AMZ1: variants seen among roughly 807,000 people sequenced by gnomAD.
AMZ1 encodes archaemetzincin-1.
AMZ1 carries 39 observed loss-of-function variants against 29.9 expected under a neutral mutation model. The ratio of observed to expected loss-of-function variants is 1.30; its 90% CI spans 1.01 to 1.70. AMZ1 has a LOEUF of 1.70. Ranked by LOEUF, AMZ1 falls within the 40% of genes most tolerant of loss-of-function variation. AMZ1 has a pLI of 0.00. For synonymous variants in AMZ1, 458 were observed against 304.0 expected (o/e 1.51, Z -5.27); for missense variants, 1,041 against 680.6 (o/e 1.53, Z -5.89).
At chr7:2,733,670 C>T (rs1460505564) in intron 4 of AMZ1, among the ~76,000 whole-genome samples, 1 of 152,204 alleles carries the variant, frequency 6.6e-6, no homozygotes, top group East Asian at 1.9e-4. Flanking sequence ...AAAAAAACTA[C>T]CATTAAAGAA....
chr7:2,746,608 A>G lies in AMZ1; in HGVS notation n.551-18104A>G, dbSNP rs189318608. 8.4e-4 allele frequency among the ~76,000 whole-genome samples: 128 copies of G among 152,330 alleles called. 1 individual carries two copies. Among genetic ancestry groups the G allele is most frequent in the African/African-American group, 2.9e-3 (120 of 41,564 alleles). On this transcript the variant is annotated intron_variant and non_coding_transcript_variant, in intron 4 of 4. Transcript: ENST00000489665. ...ACACCCTAACATCACAACTAAAAGA[A>G]CTAGAAAAGCAAGAACAAACACATT...
chr7:2,696,362 T>C (rs1338982791), intron 1 of AMZ1, among the ~76,000 whole-genome samples: 2 of 149,150 alleles, frequency 1.3e-5, no homozygotes, highest in Non-Finnish European at 3.0e-5. Context: ...GTTCACGCCA[T>C]TCTCCTGCCT....
At chr7:2,735,589 C>A (rs1790129893) in intron 4 of AMZ1, among the ~76,000 whole-genome samples, 1 of 152,196 alleles carries the variant, frequency 6.6e-6, no homozygotes, top group African/African-American at 2.4e-5. Flanking sequence ...CCCCTCGAGT[C>A]TGCAATCAGT....
In AMZ1 at chr7:2,709,661, C is replaced by G. The variant is rs532321786; in HGVS notation, c.793C>G (p.His265Asp). ...CCKVTCHELC[H>D]LLGLGNCRWL... Reference sequence around the variant, plus strand: ...CCAGGTCACGTGCCACGAGCTCTGCCACCTTCTGGGCCTGGGGAACTGCCG... The same window carrying G: ...CCAGGTCACGTGCCACGAGCTCTGCGACCTTCTGGGCCTGGGGAACTGCCG... The change falls in exon 6 of 7, where the codon CAC becomes GAC. Residue 265 changes from histidine to aspartate, a missense_variant. By Grantham distance (81) the His-to-Asp change is moderately conservative. Coordinates refer to ENST00000683327, the MANE Select transcript of AMZ1 (RefSeq NM_001384743.1). The G allele has an allele frequency of 2.5e-6, 4 of 1,609,992 alleles. No homozygotes were observed. Among genetic ancestry groups the G allele is most frequent in the Non-Finnish European group, 3.4e-6 (4 of 1,179,194 alleles).
At position 2,714,380 on chromosome 7, in the gene AMZ1, CGGTCCT is replaced by C. The variant is rs1370162941; in HGVS notation, c.*1508_*1513del. The C allele has an allele frequency of 6.6e-6, 1 of 152,364 alleles. No individual in the cohort carries two copies. The highest frequency in any genetic ancestry group is 2.4e-5 in the African/African-American group (1 of 41,452). 9.4% of individuals were successfully genotyped at this position (152,364 alleles called of 1,614,324 possible). ...TTGGTGGAGGCCGACTGAAGGCTCC[CGGTCCT>C]GGTCCCACTCCGTGTTGACTTCAGA... On this transcript the variant is annotated 3_prime_UTR_variant, in exon 7 of 7. Transcript: ENST00000683327.
chr7:2,742,320 C>T (rs890148579), intron 4 of AMZ1, among the ~76,000 whole-genome samples: 14 of 152,130 alleles, frequency 9.2e-5, no homozygotes, highest in Admixed American at 9.2e-4. Flanking sequence ...CCAGCCTACA[C>T]TGAGATTTTT....
At chr7:2,689,899 C>G (rs551632269) in intron 1 of AMZ1, among the ~76,000 whole-genome samples, 46 of 152,158 alleles carry the variant, frequency 3.0e-4, no homozygotes, top group Non-Finnish European at 4.6e-4. Context: ...TGGGTACCCC[C>G]AGGGCTCACA....
At chr7:2,736,079 C>G (rs1323160332) in intron 4 of AMZ1, among the ~76,000 whole-genome samples, 1 of 152,224 alleles carries the variant, frequency 6.6e-6, no homozygotes, top group African/African-American at 2.4e-5. Flanking sequence ...AGTCTTACAG[C>G]AGCAGCTCAT....
In AMZ1 at chr7:2,712,625, T is replaced by C. The variant is rs1788865942; in HGVS notation, c.1244T>C (p.Ile415Thr). Residue 415 changes from isoleucine (I) to threonine (T), a missense_variant, in exon 7 of 7, where the codon ATC (isoleucine) becomes ACC (threonine). Ile to Thr is a moderately conservative substitution (Grantham distance 89). Coordinates refer to ENST00000683327, the MANE Select transcript of AMZ1 (RefSeq NM_001384743.1). ...CATGAACGGTGGCTGGCCATGTGCATCCAGGCCCTGCAGCGGGAAGTGGCA... is the reference window on the plus strand; with the variant it reads ...CATGAACGGTGGCTGGCCATGTGCACCCAGGCCCTGCAGCGGGAAGTGGCA... Reference protein sequence around the residue: ...KEHERWLAMCIQALQREVAEE... With the variant: ...KEHERWLAMCTQALQREVAEE... The C allele has an allele frequency of 6.2e-7, 1 of 1,612,996 alleles. No homozygotes were observed. Among genetic ancestry groups the C allele is most frequent in the African/African-American group, 1.3e-5 (1 of 75,030 alleles).
At chr7:2,762,778 T>C (rs1791625450), upstream of AMZ1, 1 of 1,544,534 alleles carries the variant, frequency 6.5e-7, no homozygotes, top group Non-Finnish European at 8.7e-7. Context: ...CCACCCAGGC[T>C]GTACAAAAGG....
At chr7:2,736,497 G>T (rs1320097358) in intron 4 of AMZ1, among the ~76,000 whole-genome samples, 1 of 152,164 alleles carries the variant, frequency 6.6e-6, no homozygotes, top group Non-Finnish European at 1.5e-5. Context: ...CAACAGAAGG[G>T]ATGAACCTGA....
intron 4 of AMZ1, among the ~76,000 whole-genome samples, chr7:2,739,030 C>T (rs557524180): frequency 1.2e-4 from 18 of 152,252 alleles, no homozygotes; most frequent in African/African-American, 3.6e-4. Context: ...GGTCCTTGGC[C>T]GTGGAGCAGC....
In AMZ1 at chr7:2,712,887, G is replaced by C. The variant is rs746473473; in HGVS notation, c.*9G>C. ...ATGGGGAAGAGAGTTAGTACAGCAG[G>C]GGCTGCCCTACGTCTCCTTCCCTAA... On this transcript the variant is annotated 3_prime_UTR_variant, in exon 7 of 7. Transcript: ENST00000683327. 4.6e-6 allele frequency: 7 copies of C among 1,511,594 alleles called. No individual in the cohort carries two copies. The highest frequency in any genetic ancestry group is 6.2e-6 in the Non-Finnish European group (7 of 1,130,064). The allele number at this position is 1,511,594 out of a possible 1,614,324, so 93.6% of individuals were successfully genotyped here. A position where few individuals can be genotyped will look rare whatever the true frequency, so the allele number is the denominator to read the frequency against.
At chr7:2,742,378 CCA>C (rs1251880142) in intron 4 of AMZ1, among the ~76,000 whole-genome samples, 2 of 152,138 alleles carry the variant, frequency 1.3e-5, no homozygotes, top group Non-Finnish European at 2.9e-5. Context: ...TGCGATGTCT[CCA>C]GTGTTTAACA....
downstream of AMZ1, among the ~76,000 whole-genome samples, chr7:2,723,771 T>TC (rs1789513471): frequency 1.3e-5 from 2 of 152,152 alleles, no homozygotes; most frequent in African/African-American, 4.8e-5. Flanking sequence ...TCTCAGAGAC[T>TC]CCCTCTGCGC....
intron 4 of AMZ1, among the ~76,000 whole-genome samples, chr7:2,725,135 A>C (rs1423708825): frequency 1.3e-5 from 2 of 152,148 alleles, no homozygotes; most frequent in African/African-American, 4.8e-5. Context: ...TGTGAATGGG[A>C]AATTCAAACA....
chr7:2,742,449 G>T lies in AMZ1; in HGVS notation n.551-22263G>T, dbSNP rs145464873. Among the ~76,000 whole-genome samples the T allele has an allele frequency of 3.2e-4, 48 of 152,280 alleles. No homozygotes were observed. The East Asian group carries it at 8.9e-3, about 28-fold the overall frequency. On this transcript the variant is annotated intron_variant and non_coding_transcript_variant, in intron 4 of 4. Transcript: ENST00000489665. The stretch of plus-strand genomic sequence containing the variant: ...ACTCCATGCTTGCTGGTCTGTGAGT[G>T]ACATTCCACTGTCAACAAGAGCCCT...
chr7:2,688,718 C>A (rs1238680884), intron 1 of AMZ1, among the ~76,000 whole-genome samples: 1 of 152,196 alleles, frequency 6.6e-6, no homozygotes, highest in Non-Finnish European at 1.5e-5. Context: ...CCCGGGGAAC[C>A]TCCAGGGCGC....
At position 2,700,751 on chromosome 7, in the gene AMZ1, G is replaced by A. The variant is rs149751599; in HGVS notation, c.300G>A (p.Pro100=). The change falls in exon 2 of 7, where the codon CCG becomes CCA. Residue 100 remains proline, a synonymous_variant. Coordinates refer to ENST00000683327, the MANE Select transcript of AMZ1 (RefSeq NM_001384743.1). Reference sequence around the variant, plus strand: ...CTCGGAAGCACATCTACCTACAGCCGATAGGTACGGGACGCCTGCAGCCAT... The same window carrying A: ...CTCGGAAGCACATCTACCTACAGCCAATAGGTACGGGACGCCTGCAGCCAT... ...RLARKHIYLQ[P]IDLSEEPVGS... The A allele has an allele frequency of 6.8e-6, 11 of 1,612,196 alleles. No homozygotes were observed. Among genetic ancestry groups the A allele is most frequent in the African/African-American group, 2.7e-5 (2 of 74,926 alleles).
Sources: allele counts gnomAD v4.1 joint callset (sites outside exome capture counted in the v4.1 genomes callset), GRCh38; gene constraint gnomAD v4.1.1; transcripts MANE v1.5; gene names NCBI Gene and HGNC (gene_info 2026-07-23, HGNC 2026-07-21).